TLK1: variants seen among roughly 807,000 people sequenced by gnomAD.
TLK1 encodes tousled like kinase 1, also known as serine/threonine-protein kinase tousled-like 1.
A neutral mutation model predicts 105.3 loss-of-function variants in TLK1; 24 were observed. The observed-to-expected ratio is 0.23, with a 90% CI of 0.17 to 0.32. TLK1 has a LOEUF of 0.32. Ranked by LOEUF, TLK1 falls within the 10% of genes least tolerant of loss-of-function variation. The pLI is 1.00. For synonymous variants in TLK1, 321 were observed against 310.4 expected (o/e 1.03, Z -0.36); for missense variants, 558 against 910.5 (o/e 0.61, Z 4.98).
chr2:171,019,040 C>T (rs1685346038), intron 12 of TLK1, among the ~76,000 whole-genome samples: 1 of 151,962 alleles, frequency 6.6e-6, no homozygotes, highest in South Asian at 2.1e-4. Context: ...CCAAGTCAGA[C>T]AGGTATACAA....
chr2:171,074,110 C>T (rs1458569993), intron 3 of TLK1, among the ~76,000 whole-genome samples: 1 of 152,028 alleles, frequency 6.6e-6, no homozygotes, highest in Non-Finnish European at 1.5e-5. Context: ...AGGCTGGTCT[C>T]GAACTCCTGA....
rs567512743 is a variant in TLK1, at chr2:171,007,860, C to G, written c.1417-797G>C. Among the ~76,000 whole-genome samples the G allele has an allele frequency of 6.6e-5, 10 of 152,242 alleles. No individual in the cohort carries two copies. In the East Asian group the frequency reaches 1.7e-3, roughly 26 times the overall value. On this transcript the variant is annotated intron_variant, in intron 14 of 20. Transcript: ENST00000431350. ...CTGGTTGTCTCAAAAAGAATTTATA[C>G]TTGATTTGTTCAAATCACCAGCCTA...
chr2:171,137,757 G>A (rs183491712), intron 1 of TLK1, among the ~76,000 whole-genome samples: 77 of 152,038 alleles, frequency 5.1e-4, no homozygotes, highest in African/African-American at 1.6e-3. Flanking sequence ...GCTGAGGCAG[G>A]AGAAATGCTT....
At chr2:171,192,767 A>T (rs1180273092) in intron 1 of TLK1, among the ~76,000 whole-genome samples, 1 of 152,220 alleles carries the variant, frequency 6.6e-6, no homozygotes, top group East Asian at 1.9e-4. Flanking sequence ...TGTCATGGCC[A>T]AAAGGTTAGA....
intron 3 of TLK1, among the ~76,000 whole-genome samples, chr2:171,073,982 C>T (rs1688384098): frequency 6.6e-6 from 1 of 151,054 alleles, no homozygotes; most frequent in Non-Finnish European, 1.5e-5. Context: ...CCTTGGCCTC[C>T]TAGGTTCAAG....
chr2:170,999,983 A>G (rs1422427392), intron 18 of TLK1, among the ~76,000 whole-genome samples: 1 of 152,112 alleles, frequency 6.6e-6, no homozygotes, highest in African/African-American at 2.4e-5. Flanking sequence ...TTGGTCTTCA[A>G]TTCCTGGGCT....
At chr2:171,200,169 T>C (rs1381560159) in intron 1 of TLK1, among the ~76,000 whole-genome samples, 1 of 152,148 alleles carries the variant, frequency 6.6e-6, no homozygotes, top group Admixed American at 6.5e-5. Context: ...ACGGTAGAAA[T>C]AGAAATTGTG....
At position 171,211,795 on chromosome 2, in the gene TLK1, G is replaced by A. The variant is rs138909079; in HGVS notation, c.-6+19350C>T. Among the ~76,000 whole-genome samples, 1,454 of 150,698 alleles carry A rather than the reference G, an allele frequency of 9.6e-3. 115 individuals carry two copies. In the East Asian group the frequency reaches 0.17, roughly 18 times the overall value. On this transcript the variant is annotated intron_variant, in intron 1 of 20. Transcript: ENST00000521943. Reference sequence around the variant, plus strand: ...GAACTCCTGACCTCGTGATCCACCCGCCTCGGCCTCCCAAAGTGCTGGGAT... The same window carrying A: ...GAACTCCTGACCTCGTGATCCACCCACCTCGGCCTCCCAAAGTGCTGGGAT...
intron 18 of TLK1, among the ~76,000 whole-genome samples, chr2:171,003,617 G>A (rs1684502832): frequency 6.6e-6 from 1 of 152,196 alleles, no homozygotes; most frequent in African/African-American, 2.4e-5. Flanking sequence ...TTACTGGAGA[G>A]ATTAATTGCT....
chr2:171,064,207 CTGTT>C (rs1687885683), intron 3 of TLK1, among the ~76,000 whole-genome samples: 1 of 152,130 alleles, frequency 6.6e-6, no homozygotes, highest in African/African-American at 2.4e-5. Flanking sequence ...AATTTTAAGA[CTGTT>C]GTGCCCCAGA....
Position 171,160,220 on chromosome 2 carries a change from G to GGGGGGGCGC in TLK1, c.139+69_139+70insGCGCCCCCC. 2 of 1,276,382 alleles carry GGGGGGGCGC rather than the reference G, an allele frequency of 1.6e-6. No individual in the cohort carries two copies. The highest frequency in any genetic ancestry group is 2.0e-6 in the Non-Finnish European group (2 of 1,006,166). The allele number at this position is 1,276,382 out of a possible 1,614,324, so 79.1% of individuals were successfully genotyped here. A position where few individuals can be genotyped will look rare whatever the true frequency, so the allele number is the denominator to read the frequency against. On this transcript the variant is annotated intron_variant, in intron 1 of 20. Transcript: ENST00000431350. This position sits in a 1 kb window ranked among gnomAD's most constrained non-coding sequence, Gnocchi z 4.4. ...AGAAGCCCCGGGGCGGGGGGGGCGG[G>GGGGGGGCGC]GGGGGGGCGCGGGGGTCCGCGGCGC... is the stretch of plus-strand genomic sequence containing the variant.
intron 3 of TLK1, among the ~76,000 whole-genome samples, chr2:171,079,160 C>T (rs1688639906): frequency 6.6e-6 from 1 of 152,202 alleles, no homozygotes. Flanking sequence ...ACTTGTCATA[C>T]TCCCACATAA....
intron 1 of TLK1, among the ~76,000 whole-genome samples, chr2:171,182,013 C>G (rs1173037314): frequency 6.6e-6 from 1 of 152,296 alleles, no homozygotes; most frequent in Middle Eastern, 3.4e-3. Context: ...TACTCTGGGT[C>G]GATCCAACCA....
At chr2:171,047,660 G>T (rs1200464722) in intron 10 of TLK1, among the ~76,000 whole-genome samples, 2 of 152,114 alleles carry the variant, frequency 1.3e-5, no homozygotes, top group Non-Finnish European at 2.9e-5. Flanking sequence ...AAATCTTAAG[G>T]CTATTTTAGG....
In TLK1 at chr2:171,196,192, C is replaced by T. The variant is rs566020215; in HGVS notation, c.-6+34953G>A. On this transcript the variant is annotated intron_variant, in intron 1 of 20. Transcript: ENST00000521943. The stretch of plus-strand genomic sequence containing the variant: ...AGTGCAGTGGTATGATCTTGGCTCA[C>T]TGCAACCTCTACCTCCCGGGTTCAA... 4.0e-5 allele frequency among the ~76,000 whole-genome samples: 6 copies of T among 151,370 alleles called. No individual in the cohort carries two copies. In the South Asian group the frequency reaches 1.3e-3, roughly 32 times the overall value.
intron 1 of TLK1, among the ~76,000 whole-genome samples, chr2:171,165,966 T>C (rs533692105): frequency 1.3e-5 from 2 of 152,286 alleles, no homozygotes; most frequent in East Asian, 3.9e-4. Flanking sequence ...AGTACTCCCA[T>C]ACAGTGGGAT....
chr2:170,993,671 A>T lies in TLK1; in HGVS notation c.*109T>A, dbSNP rs1683895158. 7.7e-5 allele frequency: 21 copies of T among 272,522 alleles called. No homozygotes were observed. In the South Asian group the frequency reaches 1.1e-3, roughly 15 times the overall value. 16.9% of individuals were successfully genotyped at this position (272,522 alleles called of 1,614,324 possible). A position where few individuals can be genotyped will look rare whatever the true frequency, so the allele number is the denominator to read the frequency against. On this transcript the variant is annotated 3_prime_UTR_variant, in exon 21 of 21. Coordinates refer to ENST00000431350, the MANE Select transcript of TLK1 (RefSeq NM_012290.5). ...CAGTTCTTAACCACGTCTTGTGTAA[A>T]AAAAAAAAAAAAAAAAAAAGAAAAA...
At chr2:171,223,723 G>A (rs1441096373) in intron 1 of TLK1, among the ~76,000 whole-genome samples, 1 of 151,668 alleles carries the variant, frequency 6.6e-6, no homozygotes, top group East Asian at 1.9e-4. Flanking sequence ...CAGGTGATCT[G>A]CTTGCCTTAG....
chr2:171,018,981 A>T (rs1163012997), intron 12 of TLK1, among the ~76,000 whole-genome samples: 1 of 152,224 alleles, frequency 6.6e-6, no homozygotes, highest in Non-Finnish European at 1.5e-5. Context: ...TACACACTAT[A>T]GCTATTTTAA....
Sources: gnomAD v4.1 joint callset for allele counts (sites outside exome capture counted in the v4.1 genomes callset) on GRCh38, gnomAD v4.1.1 for gene constraint, Gnocchi (gnomAD v3.1) non-coding constraint, MANE v1.5 for transcripts, NCBI Gene and HGNC (gene_info 2026-07-23, HGNC 2026-07-21) for gene names.